MAPKAP1: variants seen among roughly 807,000 people sequenced by gnomAD.
The protein encoded by MAPKAP1 is MAPK associated protein 1.
MAPKAP1 carries 20 observed loss-of-function variants against 65.7 expected under a neutral mutation model. That is an observed-to-expected ratio of 0.30 (90% CI 0.21 to 0.44). The LOEUF is 0.44. Among genes scored for constraint, MAPKAP1 ranks in the 20% least tolerant of loss-of-function variants. The probability of loss-of-function intolerance (pLI) is 1.00; values close to 1 mark genes in which losing one functional copy is unlikely to be tolerated. For missense variants in MAPKAP1, 423 were observed against 648.0 expected (o/e 0.65, Z 3.77); for synonymous variants, 222 against 244.3 (o/e 0.91, Z 0.85).
At chr9:125,620,456 T>TA (rs891559703) in intron 4 of MAPKAP1, among the ~76,000 whole-genome samples, 1 of 152,184 alleles carries the variant, frequency 6.6e-6, no homozygotes, top group Non-Finnish European at 1.5e-5. Flanking sequence ...TGGCAATACT[T>TA]ACAAAAATTA....
chr9:125,563,655 G>T (rs530628), intron 5 of MAPKAP1, among the ~76,000 whole-genome samples: 1 of 151,884 alleles, frequency 6.6e-6, no homozygotes, highest in Non-Finnish European at 1.5e-5. Context: ...TTGAATAAAT[G>T]AAGATATGAA....
intron 10 of MAPKAP1, among the ~76,000 whole-genome samples, chr9:125,458,828 G>C (rs1430430193): frequency 1.4e-5 from 1 of 73,434 alleles, no homozygotes; most frequent in East Asian, 4.9e-4. Context: ...CGGACGGGGC[G>C]GCTGGCCGGG....
Position 125,543,116 on chromosome 9 carries a change from T to C in MAPKAP1, c.901A>G (p.Met301Val), listed in dbSNP as rs1470048413. 6.2e-7 allele frequency: 1 copy of C among 1,614,124 alleles called. No homozygotes were observed. The highest frequency in any genetic ancestry group is 8.5e-7 in the Non-Finnish European group (1 of 1,179,942). Residue 301 changes from methionine (M) to valine (V), a missense_variant, in exon 7 of 12, where the codon ATG becomes GTG. Around this residue, in one of 6 missense-constraint regions of MAPKAP1, gnomAD observed 98 missense variants for 200.5 expected, o/e 0.49. Coordinates refer to ENST00000265960, the MANE Select transcript of MAPKAP1 (RefSeq NM_001006617.3). The part of the protein sequence containing the change: ...LIQVDNTKVT[M>V]KEILLKAVKR... The stretch of plus-strand genomic sequence containing the variant: ...ACTGCCTTCAGTAAGATTTCCTTCA[T>C]GGTAACCTTTGTGTTGTCCACCTGA...
intron 6 of MAPKAP1, among the ~76,000 whole-genome samples, chr9:125,550,214 G>A (rs1830545884): frequency 6.6e-6 from 1 of 152,144 alleles, no homozygotes; most frequent in Non-Finnish European, 1.5e-5. Context: ...AAGCATCACA[G>A]TTTTTTTCAA....
chr9:125,510,307 A>G (rs1258639775), intron 7 of MAPKAP1, among the ~76,000 whole-genome samples: 1 of 152,252 alleles, frequency 6.6e-6, no homozygotes, highest in Non-Finnish European at 1.5e-5. Flanking sequence ...TATACCATAA[A>G]TAAAGGTTTC....
chr9:125,458,595 A>G (rs1217796000), intron 10 of MAPKAP1, among the ~76,000 whole-genome samples: 4 of 151,742 alleles, frequency 2.6e-5, no homozygotes, highest in Non-Finnish European at 5.9e-5. Context: ...GAACAAAATG[A>G]AAAGTCTCCC....
At chr9:125,582,400 C>G (rs1169280679) in intron 5 of MAPKAP1, among the ~76,000 whole-genome samples, 4 of 152,264 alleles carry the variant, frequency 2.6e-5, no homozygotes, top group Non-Finnish European at 2.9e-5. Flanking sequence ...TAGCTATCCT[C>G]GTGTGCTTTG....
At chr9:125,656,246 T>C (rs1473635059) in intron 4 of MAPKAP1, among the ~76,000 whole-genome samples, 6 of 152,188 alleles carry the variant, frequency 3.9e-5, no homozygotes, top group Admixed American at 3.9e-4. Context: ...TTAAATCCTA[T>C]GTAGTCCAAC....
chr9:125,559,589 G>T (rs191798605), intron 6 of MAPKAP1, 44 bp downstream of exon 6: 2 of 1,548,354 alleles, frequency 1.3e-6, no homozygotes, highest in Non-Finnish European at 1.8e-6. Flanking sequence ...AATGCTAGAA[G>T]GTTGGGATGA....
rs922031151 is a variant in MAPKAP1 at position 125,534,313 on chromosome 9, C to T, written c.958+8746G>A. On this transcript the variant is annotated intron_variant, in intron 7 of 11. Coordinates refer to ENST00000265960, the MANE Select transcript of MAPKAP1 (RefSeq NM_001006617.3). ...CCTTCATTTTTTACTTCACACATCT[C>T]TAAAATGTTTGCTTCTTCCCCAACA... Among the ~76,000 whole-genome samples the T allele has an allele frequency of 2.0e-5, 3 of 152,146 alleles. No individual in the cohort carries two copies. In the East Asian group the frequency reaches 5.8e-4, roughly 29 times the overall value.
intron 6 of MAPKAP1, among the ~76,000 whole-genome samples, chr9:125,550,651 C>T (rs895351782): frequency 5.3e-5 from 8 of 152,194 alleles, no homozygotes; most frequent in African/African-American, 1.9e-4. Context: ...ATTTCTGTCA[C>T]TTTAAACAGA....
At chr9:125,456,423 G>T (rs1424651356) in intron 10 of MAPKAP1, among the ~76,000 whole-genome samples, 1 of 152,140 alleles carries the variant, frequency 6.6e-6, no homozygotes, top group Admixed American at 6.5e-5. Flanking sequence ...CTGTTGTTCT[G>T]TCATAGAGTT....
At chr9:125,486,883 C>T (rs1223312121) in intron 8 of MAPKAP1, among the ~76,000 whole-genome samples, 1 of 152,106 alleles carries the variant, frequency 6.6e-6, no homozygotes, top group Non-Finnish European at 1.5e-5. Flanking sequence ...CTTCCCTGGC[C>T]GCAAGCCCCC....
intron 1 of MAPKAP1, among the ~76,000 whole-genome samples, chr9:125,690,467 C>T (rs1426489750): frequency 6.6e-6 from 1 of 152,164 alleles, no homozygotes; most frequent in Non-Finnish European, 1.5e-5. Flanking sequence ...CAAACCTGGA[C>T]CTGGCATTCG....
intron 4 of MAPKAP1, among the ~76,000 whole-genome samples, chr9:125,619,423 G>A (rs949416702): frequency 7.9e-5 from 12 of 151,730 alleles, no homozygotes; most frequent in African/African-American, 2.9e-4. Flanking sequence ...GTTACAGTGA[G>A]CTAAGATCAT....
At chr9:125,658,591 C>T (rs1834099285) in intron 3 of MAPKAP1, among the ~76,000 whole-genome samples, 1 of 152,102 alleles carries the variant, frequency 6.6e-6, no homozygotes, top group Non-Finnish European at 1.5e-5. Context: ...TACATTAGGG[C>T]ACTAATGAAC....
intron 4 of MAPKAP1, among the ~76,000 whole-genome samples, chr9:125,647,683 T>C (rs1833768554): frequency 6.6e-6 from 1 of 152,216 alleles, no homozygotes; most frequent in African/African-American, 2.4e-5. Context: ...TGGCCGCTCT[T>C]GTCTTTTAAG....
intron 1 of MAPKAP1, among the ~76,000 whole-genome samples, chr9:125,699,184 A>G (rs917568486): frequency 6.6e-6 from 1 of 152,132 alleles, no homozygotes; most frequent in Non-Finnish European, 1.5e-5. Flanking sequence ...CTTTACACAC[A>G]TAGCCTGAAG....
chr9:125,477,987 A>G (rs1243412363), intron 9 of MAPKAP1: 1 of 152,250 alleles, frequency 6.6e-6, no homozygotes, highest in East Asian at 1.9e-4. Context: ...AGAATGTTTT[A>G]GAGAAATACA....
Sources: gnomAD v4.1 joint callset for allele counts (sites outside exome capture counted in the v4.1 genomes callset) on GRCh38, gnomAD v4.1.1 for gene constraint, gnomAD v4.1.1 regional missense constraint, MANE v1.5 for transcripts, NCBI Gene and HGNC (gene_info 2026-07-23, HGNC 2026-07-21) for gene names.